MROH7: variants seen among roughly 807,000 people sequenced by gnomAD.
MROH7 encodes the protein maestro heat-like repeat-containing protein family member 7.
In MROH7, 113 loss-of-function variants were observed where a neutral mutation model predicts 129.2. The ratio of observed to expected loss-of-function variants is 0.87; its 90% CI spans 0.75 to 1.02. The LOEUF is 1.02. Ranked by LOEUF, MROH7 falls within the 50% of genes least tolerant of loss-of-function variation. The pLI is 0.00. For missense variants in MROH7, 1,601 were observed against 1,671.3 expected (o/e 0.96, Z 0.73); for synonymous variants, 655 against 667.9 (o/e 0.98, Z 0.30).
rs566978822 is a variant in MROH7, at chr1:54,653,470, C to A, written c.544C>A (p.His182Asn). The A allele has an allele frequency of 6.2e-7, 1 of 1,614,200 alleles. No individual in the cohort carries two copies. Among genetic ancestry groups the A allele is most frequent in the Admixed American group, 1.7e-5 (1 of 60,024 alleles). ...RHELNPFIRH[H>N]SREGLVLGHC... Reference sequence around the variant, plus strand: ...TGAATTAAACCCATTTATAAGGCACCATTCCAGAGAAGGTCTGGTTCTGGG... The same window carrying A: ...TGAATTAAACCCATTTATAAGGCACAATTCCAGAGAAGGTCTGGTTCTGGG... The change falls in exon 3 of 24, where the codon CAT becomes AAT. Residue 182 changes from histidine (H) to asparagine (N), a missense_variant. His to Asn is a moderately conservative substitution (Grantham distance 68). Coordinates refer to ENST00000421030, the MANE Select transcript of MROH7 (RefSeq NM_001039464.4).
rs759397633 is a variant in MROH7, at chr1:54,702,614, G to T, written c.3442-9G>T. 6.3e-7 allele frequency: 1 copy of T among 1,582,146 alleles called. No individual in the cohort carries two copies. Among genetic ancestry groups the T allele is most frequent in the Non-Finnish European group, 8.6e-7 (1 of 1,163,608 alleles). On this transcript the variant is annotated splice_polypyrimidine_tract_variant and intron_variant, in intron 20 of 23. Transcript: ENST00000421030. ...ACAGTTCTGATATTTTCTTCCTATT[G>T]GTTCCCAGAAGTGTGTGAAGACCCT...
Position 54,692,571 on chromosome 1 carries a change from G to A in MROH7, c.2849+10G>A, listed in dbSNP as rs757669413. On this transcript the variant is annotated intron_variant, in intron 16 of 23. Transcript: ENST00000421030. ...TGGCCTTGCTGGCAAGGTGAGTCCC[G>A]GGACCACCTTGGGGTTGGGGTGGGA... is the stretch of plus-strand genomic sequence containing the variant. 1.7e-5 allele frequency: 27 copies of A among 1,611,370 alleles called. No individual in the cohort carries two copies. In the East Asian group the frequency reaches 4.0e-4, roughly 24 times the overall value.
At position 54,653,193 on chromosome 1, in the gene MROH7, C is replaced by T. The variant is rs375679935; in HGVS notation, c.267C>T (p.Ile89=). The stretch of plus-strand genomic sequence containing the variant: ...CCAGACCTGATGACAGCAGAGCTAT[C>T]GCTCCAGCCTCCCTCCAGATCACCA... ...NTPRPDDSRA[I]APASLQITSS... is the part of the protein sequence containing the mutation. The change falls in exon 3 of 24, where the codon ATC becomes ATT. Residue 89 remains isoleucine, a synonymous_variant. Coordinates refer to ENST00000421030, the MANE Select transcript of MROH7 (RefSeq NM_001039464.4). 1.9e-5 allele frequency: 31 copies of T among 1,614,172 alleles called. No individual in the cohort carries two copies. Among genetic ancestry groups the T allele is most frequent in the African/African-American group, 1.5e-4 (11 of 75,070 alleles).
At chr1:54,648,626 A>G (rs1644508351) in intron 1 of MROH7, among the ~76,000 whole-genome samples, 1 of 152,114 alleles carries the variant, frequency 6.6e-6, no homozygotes, top group Non-Finnish European at 1.5e-5. Context: ...TCGGCCTCCC[A>G]GAGTGCTGGG....
At chr1:54,701,396 C>G in intron 19 of MROH7, 74 bp downstream of exon 19, 1 of 1,315,814 alleles carries the variant, frequency 7.6e-7, no homozygotes, top group Admixed American at 2.9e-5. Context: ...GGCTGCATTT[C>G]CACCTGTGCC....
chr1:54,645,651 C>CTTTTTTTTTTTTTT (rs780480424), intron 1 of MROH7, among the ~76,000 whole-genome samples: 6 of 110,224 alleles, frequency 5.4e-5, no homozygotes, highest in Non-Finnish European at 7.1e-5. Context: ...TTCTTTCTTT[C>CTTTTTTTTTTTTTT]TTTCTTTTTT....
intron 3 of MROH7, among the ~76,000 whole-genome samples, chr1:54,657,957 G>A (rs974943866): frequency 1.3e-5 from 2 of 152,048 alleles, no homozygotes; most frequent in Non-Finnish European, 2.9e-5. Context: ...CACCATGACT[G>A]GCCAGCCATT....
intron 4 of MROH7, among the ~76,000 whole-genome samples, chr1:54,665,443 C>T (rs1439410588): frequency 6.6e-6 from 1 of 152,218 alleles, no homozygotes; most frequent in African/African-American, 2.4e-5. Context: ...AAGGACATAT[C>T]CTCCATTACT....
At chr1:54,648,450 C>T (rs1022543329) in intron 1 of MROH7, among the ~76,000 whole-genome samples, 6 of 151,940 alleles carry the variant, frequency 3.9e-5, no homozygotes, top group Non-Finnish European at 8.8e-5. Flanking sequence ...ACTGCAACCT[C>T]TGCCTCCCAG....
chr1:54,670,681 CTCGCCCGGTGCCT>C, intron 6 of MROH7, 105 bp downstream of exon 6: 3 of 1,363,840 alleles, frequency 2.2e-6, no homozygotes, highest in African/African-American at 1.5e-5. Flanking sequence ...GCCCCCACCC[CTCGCCCGGTGCCT>C]TTTCCCCTCC....
chr1:54,645,317 A>G (rs1464524866), intron 1 of MROH7, among the ~76,000 whole-genome samples: 2 of 151,844 alleles, frequency 1.3e-5, no homozygotes, highest in African/African-American at 4.8e-5. Flanking sequence ...TCTGTCACCC[A>G]AACTGGAGTG....
intron 6 of MROH7, 91 bp downstream of exon 6, chr1:54,670,667 A>AACCCC: frequency 2.1e-6 from 2 of 960,076 alleles, no homozygotes; most frequent in Non-Finnish European, 3.0e-6. Context: ...CCCTCCCCCA[A>AACCCC]CCCGCCCCCA....
chr1:54,680,078 C>G lies in MROH7; in HGVS notation c.2381+33C>G, dbSNP rs1645045373. The G allele has an allele frequency of 1.9e-6, 3 of 1,603,498 alleles. No homozygotes were observed. The East Asian group carries it at 6.7e-5, about 36-fold the overall frequency. On this transcript the variant is annotated intron_variant, in intron 13 of 23. Transcript: ENST00000421030. The stretch of plus-strand genomic sequence containing the variant: ...GTGAAGGGGTTCCCAGCCACTGCAT[C>G]TTACAGGGTTCAAGCAGCCCCCACC...
At chr1:54,674,209 T>A (rs1644948060) in intron 10 of MROH7, 58 bp downstream of exon 10, 5 of 1,566,860 alleles carry the variant, frequency 3.2e-6, no homozygotes, top group South Asian at 1.2e-5. Flanking sequence ...TCAGTCTGGA[T>A]TCAATAAAGA....
chr1:54,665,398 G>C (rs1396829041), intron 4 of MROH7, among the ~76,000 whole-genome samples, 158 bp downstream of exon 4: 2 of 152,142 alleles, frequency 1.3e-5, no homozygotes, highest in African/African-American at 4.8e-5. Context: ...CATATGCTTT[G>C]TTTATTCATC....
intron 4 of MROH7, among the ~76,000 whole-genome samples, chr1:54,667,221 T>C (rs530710977): frequency 3.3e-5 from 5 of 152,302 alleles, no homozygotes; most frequent in South Asian, 4.2e-4. Flanking sequence ...CTCTGAGTGG[T>C]CTTCTCTGAC....
chr1:54,690,703 A>T (rs919969602), intron 15 of MROH7, among the ~76,000 whole-genome samples: 1 of 152,214 alleles, frequency 6.6e-6, no homozygotes, highest in Non-Finnish European at 1.5e-5. Flanking sequence ...TCGGCCACCC[A>T]AAGTGCTGGG....
At chr1:54,692,982 A>T (rs372923492) in intron 16 of MROH7, among the ~76,000 whole-genome samples, 91 of 152,114 alleles carry the variant, frequency 6.0e-4, no homozygotes, top group South Asian at 1.2e-3. Context: ...TTCCTTCAAT[A>T]GCATGGAAAT....
At chr1:54,678,590 G>A in intron 10 of MROH7, 152 bp from the exon 11 acceptor site, 2 of 597,322 alleles carry the variant, frequency 3.3e-6, no homozygotes, top group East Asian at 2.9e-5. Flanking sequence ...TGCTGATCAC[G>A]TTCTGCTTCT....
Sources: allele counts gnomAD v4.1 joint callset (sites outside exome capture counted in the v4.1 genomes callset), GRCh38; gene constraint gnomAD v4.1.1; transcripts MANE v1.5; gene names NCBI Gene and HGNC (gene_info 2026-07-23, HGNC 2026-07-21).